Variants in SWT1 observed in about 807,000 individuals in gnomAD.
The protein encoded by SWT1 is SWT1 RNA endoribonuclease homolog, also known as transcriptional protein SWT1.
A neutral mutation model predicts 107.3 loss-of-function variants in SWT1; 33 were observed. The ratio of observed to expected loss-of-function variants is 0.31; its 90% CI spans 0.23 to 0.41. The LOEUF (loss-of-function observed/expected upper bound fraction) is 0.41, where lower values mean the gene tolerates loss of function less well. Among genes scored for constraint, SWT1 ranks in the 10% least tolerant of loss-of-function variants. SWT1 has a pLI of 1.00. For missense variants in SWT1, 898 were observed against 1,028.9 expected (o/e 0.87, Z 1.74); for synonymous variants, 345 against 348.3 (o/e 0.99, Z 0.11).
At chr1:185,239,322 T>C (rs1471258057) in intron 16 of SWT1, among the ~76,000 whole-genome samples, 1 of 152,128 alleles carries the variant, frequency 6.6e-6, no homozygotes, top group Non-Finnish European at 1.5e-5. Flanking sequence ...TATGTTTACA[T>C]GCGCTAATCT....
At chr1:185,185,658 C>A (rs963262491) in intron 9 of SWT1, among the ~76,000 whole-genome samples, 4 of 152,008 alleles carry the variant, frequency 2.6e-5, no homozygotes, top group Non-Finnish European at 5.9e-5. Flanking sequence ...CACCCATATT[C>A]ACCGTAAGAT....
chr1:185,214,796 A>T (rs1659091119), intron 14 of SWT1, 141 bp downstream of exon 14: 1 of 652,596 alleles, frequency 1.5e-6, no homozygotes. Flanking sequence ...TGTTAAGTGA[A>T]TTGAATACAG....
At chr1:185,199,144 G>T (rs1213813240) in intron 10 of SWT1, among the ~76,000 whole-genome samples, 2 of 151,894 alleles carry the variant, frequency 1.3e-5, no homozygotes, top group Non-Finnish European at 2.9e-5. Context: ...CACCATCTTG[G>T]TCAGGCTGGT....
intron 16 of SWT1, among the ~76,000 whole-genome samples, chr1:185,241,737 A>G (rs1571594983): frequency 6.6e-6 from 1 of 152,108 alleles, no homozygotes; most frequent in Admixed American, 6.6e-5. Context: ...GATAGAAGGC[A>G]ACTTTTTTTA....
chr1:185,174,989 G>A lies in SWT1; in HGVS notation c.842G>A (p.Arg281Lys). The A allele has an allele frequency of 6.2e-7, 1 of 1,613,780 alleles. No individual in the cohort carries two copies. Among genetic ancestry groups the A allele is most frequent in the Non-Finnish European group, 8.5e-7 (1 of 1,179,962 alleles). ...TCCCAGGTTTCATTAAATGTGACTA[G>A]GCAGAAAACTGAACATTTACTTTCA... ...ESSQVSLNVT[R>K]QKTEHLLSDF... Residue 281 changes from arginine (R) to lysine (K), a missense_variant, in exon 5 of 19, where the codon AGG becomes AAG. Physicochemically the swap from Arg to Lys is conservative, Grantham distance 26. Transcript: ENST00000367500.
Position 185,198,236 on chromosome 1 carries a change from C to T in SWT1, c.1524-4418C>T, listed in dbSNP as rs145390185. Among the ~76,000 whole-genome samples, 652 of 152,148 alleles carry T rather than the reference C, an allele frequency of 4.3e-3. 4 individuals carry two copies. Among genetic ancestry groups the T allele is most frequent in the African/African-American group, 0.014 (594 of 41,532 alleles). ...GGAGCAGGTTGTTCAGTTTCCATGA[C>T]GTTGTGTGGTTTTGAGTGAGTTTCT... On this transcript the variant is annotated intron_variant, in intron 10 of 18. Transcript: ENST00000367500.
At chr1:185,189,429 A>G (rs1425002586) in intron 9 of SWT1, among the ~76,000 whole-genome samples, 2 of 152,182 alleles carry the variant, frequency 1.3e-5, no homozygotes, top group Non-Finnish European at 2.9e-5. Context: ...TTTCTCCTGT[A>G]TACCTCTAAT....
At chr1:185,231,537 G>C (rs1454295975) in intron 15 of SWT1, 40 bp from the exon 16 acceptor site, 1 of 1,441,286 alleles carries the variant, frequency 6.9e-7, no homozygotes, top group Non-Finnish European at 9.6e-7. Context: ...CATTAAATAT[G>C]TATGTATACC....
chr1:185,196,100 T>C (rs1253025818), intron 10 of SWT1, among the ~76,000 whole-genome samples: 3 of 152,222 alleles, frequency 2.0e-5, no homozygotes, highest in African/African-American at 7.2e-5. Context: ...TGCCTAGGTT[T>C]TCTTCTAGGG....
chr1:185,216,104 C>CT (rs143010955), intron 14 of SWT1, among the ~76,000 whole-genome samples: 2,714 of 152,162 alleles, frequency 0.018, 77 homozygotes, highest in African/African-American at 0.061. Flanking sequence ...CACTTCCTTG[C>CT]TAAGAGAATA....
chr1:185,270,302 T>TC (rs34402319), intron 16 of SWT1, among the ~76,000 whole-genome samples: 73,170 of 145,958 alleles, frequency 0.5, 19,793 homozygotes, highest in African/African-American at 0.72. Context: ...TTTTTTTTTT[T>TC]CCAAAAGAAA....
intron 18 of SWT1, among the ~76,000 whole-genome samples, chr1:185,282,292 C>G (rs755474623): frequency 3.9e-5 from 6 of 151,980 alleles, no homozygotes; most frequent in Non-Finnish European, 8.8e-5. Context: ...CATTTTGGAT[C>G]TACGTGTAGT....
intron 10 of SWT1, among the ~76,000 whole-genome samples, chr1:185,192,576 A>G (rs996969709): frequency 6.6e-6 from 1 of 151,694 alleles, no homozygotes; most frequent in African/African-American, 2.4e-5. Context: ...TCTAAACTAT[A>G]CAATGTTGAC....
At chr1:185,178,399 A>G (rs1303697369) in intron 5 of SWT1, among the ~76,000 whole-genome samples, 1 of 152,176 alleles carries the variant, frequency 6.6e-6, no homozygotes, top group East Asian at 1.9e-4. Context: ...GATGGAAGAG[A>G]GCCACTGAAC....
chr1:185,161,633 C>T (rs1386728307), intron 2 of SWT1, among the ~76,000 whole-genome samples: 1 of 151,880 alleles, frequency 6.6e-6, no homozygotes, highest in Non-Finnish European at 1.5e-5. Flanking sequence ...CCACGGAGAC[C>T]AAGGCTGAAG....
intron 3 of SWT1, among the ~76,000 whole-genome samples, chr1:185,166,855 A>C (rs924301220): frequency 2.6e-5 from 4 of 152,170 alleles, no homozygotes; most frequent in African/African-American, 7.2e-5. Flanking sequence ...GACAACTGTC[A>C]TGGCTATAAA....
At position 185,186,829 on chromosome 1, in the gene SWT1, A is replaced by C. The variant is rs538761259; in HGVS notation, c.1429+1898A>C. The stretch of plus-strand genomic sequence containing the variant: ...GAGTGCAGTGGCATGATCTCAGCTC[A>C]CTGCAACCTCCACCTCCCGGGTTCA... On this transcript the variant is annotated intron_variant, in intron 9 of 18. Transcript: ENST00000367500. 4.0e-5 allele frequency among the ~76,000 whole-genome samples: 6 copies of C among 150,820 alleles called. No homozygotes were observed. In the South Asian group the frequency reaches 1.3e-3, roughly 31 times the overall value.
intron 15 of SWT1, chr1:185,227,233 C>G: frequency 3.8e-6 from 3 of 788,510 alleles, no homozygotes; most frequent in Non-Finnish European, 6.8e-6. Flanking sequence ...ACTTTATTGC[C>G]AGTGGTAATT....
chr1:185,210,657 CA>C (rs1346646261), intron 13 of SWT1, among the ~76,000 whole-genome samples: 42 of 152,284 alleles, frequency 2.8e-4, no homozygotes, highest in African/African-American at 9.1e-4. Flanking sequence ...TGCCCTCTCT[CA>C]CCACTCCTAT....
Sources: allele counts gnomAD v4.1 joint callset (sites outside exome capture counted in the v4.1 genomes callset), GRCh38; gene constraint gnomAD v4.1.1; transcripts MANE v1.5; gene names NCBI Gene and HGNC (gene_info 2026-07-23, HGNC 2026-07-21).